Variants in MAPRE2 observed in about 807,000 individuals in gnomAD.
MAPRE2 encodes the protein microtubule associated protein RP/EB family member 2, also known as microtubule-associated protein RP/EB family member 2.
MAPRE2 carries 13 observed loss-of-function variants against 43.2 expected under a neutral mutation model. That is an observed-to-expected ratio of 0.30 (90% CI 0.20 to 0.48). The LOEUF (loss-of-function observed/expected upper bound fraction) is 0.48, where lower values mean the gene tolerates loss of function less well. MAPRE2 is among the 20% of genes least tolerant of loss of function. MAPRE2 has a pLI of 0.99. For missense variants in MAPRE2, 161 were observed against 400.2 expected (o/e 0.40, Z 5.10); for synonymous variants, 135 against 148.8 (o/e 0.91, Z 0.68).
At chr18:35,046,689 A>T (rs1024221720) in intron 1 of MAPRE2, among the ~76,000 whole-genome samples, 1 of 152,192 alleles carries the variant, frequency 6.6e-6, no homozygotes, top group Non-Finnish European at 1.5e-5. Flanking sequence ...CCAATGCACC[A>T]CTGTGTGGGT....
At chr18:35,090,904 G>T (rs770779658) in intron 2 of MAPRE2, among the ~76,000 whole-genome samples, 1 of 152,100 alleles carries the variant, frequency 6.6e-6, no homozygotes, top group African/African-American at 2.4e-5. Context: ...AGTCAGCAGC[G>T]TTTCTGTATG....
chr18:35,058,311 T>A (rs1906340672), intron 1 of MAPRE2, among the ~76,000 whole-genome samples: 1 of 152,206 alleles, frequency 6.6e-6, no homozygotes, highest in South Asian at 2.1e-4. Flanking sequence ...CATTTCAAAA[T>A]GTTCTCATGA....
At chr18:35,076,984 G>A (rs184740961) in intron 2 of MAPRE2, among the ~76,000 whole-genome samples, 27 of 152,226 alleles carry the variant, frequency 1.8e-4, no homozygotes, top group African/African-American at 6.0e-4. Flanking sequence ...CTCCTGGTTA[G>A]TGACGAACAC....
intron 2 of MAPRE2, among the ~76,000 whole-genome samples, chr18:35,080,814 G>A (rs981366608): frequency 1.2e-5 from 1 of 80,250 alleles, no homozygotes; most frequent in Admixed American, 1.2e-4. Context: ...TTCAGATTGC[G>A]TTTTTTTTTT....
chr18:35,106,219 G>C (rs1385496304), intron 4 of MAPRE2, among the ~76,000 whole-genome samples: 2 of 152,082 alleles, frequency 1.3e-5, no homozygotes, highest in Non-Finnish European at 2.9e-5. Context: ...ATTAGTGGAC[G>C]TAAGCAGTGG....
At chr18:35,121,400 A>G (rs1909659479) in intron 4 of MAPRE2, among the ~76,000 whole-genome samples, 3 of 152,368 alleles carry the variant, frequency 2.0e-5, no homozygotes, top group South Asian at 4.1e-4. Flanking sequence ...AAAGACTAGC[A>G]TTGTAAATCA....
Position 35,102,058 on chromosome 18 carries a change from T to C in MAPRE2, c.509T>C (p.Val170Ala). The change falls in exon 4 of 7, where the codon GTA becomes GCA. Residue 170 changes from valine (V) to alanine (A), a missense_variant. Around this residue, in one of 2 missense-constraint regions of MAPRE2, gnomAD observed 65 missense variants for 246.9 expected, o/e 0.26. Coordinates refer to ENST00000300249, the MANE Select transcript of MAPRE2 (RefSeq NM_014268.4). ...ANYDGKEYDP[V>A]EARQGQDAIP... ...TACGATGGGAAGGAGTATGATCCTG[T>C]AGAGGCACGACAAGGGCAAGATGCA... 1 of 1,613,164 alleles carries C rather than the reference T, an allele frequency of 6.2e-7. No homozygotes were observed. Among genetic ancestry groups the C allele is most frequent in the Non-Finnish European group, 8.5e-7 (1 of 1,179,564 alleles).
chr18:34,991,928 C>T (rs1366568128), intron 1 of MAPRE2, among the ~76,000 whole-genome samples: 1 of 152,138 alleles, frequency 6.6e-6, no homozygotes, highest in Non-Finnish European at 1.5e-5. Context: ...AGATTTTTAA[C>T]ACTATGTTCT....
chr18:35,081,868 T>C (rs1007597622), intron 2 of MAPRE2: 2 of 152,160 alleles, frequency 1.3e-5, no homozygotes, highest in African/African-American at 4.8e-5. Context: ...ATAGAGTTCA[T>C]GTAGTGGCCT....
intron 2 of MAPRE2, among the ~76,000 whole-genome samples, chr18:35,080,935 A>G (rs1456356844): frequency 6.6e-6 from 1 of 152,074 alleles, no homozygotes; most frequent in African/African-American, 2.4e-5. Context: ...TAAGCTTTTT[A>G]TGACCAAATT....
chr18:35,100,301 C>T (rs893967801), intron 3 of MAPRE2, among the ~76,000 whole-genome samples: 40 of 152,220 alleles, frequency 2.6e-4, no homozygotes, highest in African/African-American at 8.4e-4. Flanking sequence ...ATGGCTATTA[C>T]TAAAAAGTCA....
chr18:34,995,884 G>A (rs1191878469), intron 1 of MAPRE2, among the ~76,000 whole-genome samples: 1 of 152,120 alleles, frequency 6.6e-6, no homozygotes, highest in East Asian at 1.9e-4. Flanking sequence ...GCAACTCAAG[G>A]TGTGGTCTTT....
intron 1 of MAPRE2, among the ~76,000 whole-genome samples, chr18:34,986,468 C>T (rs1365046248): frequency 1.3e-5 from 2 of 152,160 alleles, no homozygotes; most frequent in Non-Finnish European, 2.9e-5. Context: ...TTTTGCTCCA[C>T]CTGGTTCTTC....
chr18:35,095,013 G>A (rs1908337223), intron 2 of MAPRE2, among the ~76,000 whole-genome samples: 2 of 152,096 alleles, frequency 1.3e-5, no homozygotes, highest in South Asian at 4.1e-4. Flanking sequence ...CAGGTAGTAG[G>A]TGTCCAAATC....
chr18:35,040,860 T>C (rs1905306890), upstream of MAPRE2, among the ~76,000 whole-genome samples: 1 of 152,356 alleles, frequency 6.6e-6, no homozygotes, highest in South Asian at 2.1e-4. Context: ...GAAATACAGC[T>C]TCCTTGTAGG....
chr18:35,000,400 CAT>C (rs1244434368), intron 1 of MAPRE2, among the ~76,000 whole-genome samples: 1 of 152,206 alleles, frequency 6.6e-6, no homozygotes, highest in African/African-American at 2.4e-5. Context: ...TTTTTACAAA[CAT>C]ATTTTTCATT....
chr18:35,082,612 A>T (rs1907695495), intron 2 of MAPRE2, among the ~76,000 whole-genome samples: 1 of 152,068 alleles, frequency 6.6e-6, no homozygotes, highest in South Asian at 2.1e-4. Context: ...TCCTGATCAC[A>T]TTCAACAAAA....
intron 2 of MAPRE2, among the ~76,000 whole-genome samples, chr18:35,084,813 G>A (rs1393993963): frequency 6.6e-6 from 1 of 152,230 alleles, no homozygotes; most frequent in Admixed American, 6.5e-5. Flanking sequence ...GAAGCAGGAA[G>A]CTCAGCTGAG....
intron 2 of MAPRE2, among the ~76,000 whole-genome samples, chr18:35,006,033 G>C (rs989949941): frequency 3.3e-5 from 5 of 152,212 alleles, no homozygotes; most frequent in African/African-American, 1.2e-4. Flanking sequence ...ATTTTTTTCT[G>C]TCTGGGATTT....
Sources: allele counts gnomAD v4.1 joint callset (sites outside exome capture counted in the v4.1 genomes callset), GRCh38; gene constraint gnomAD v4.1.1; regional missense constraint gnomAD v4.1.1; transcripts MANE v1.5; gene names NCBI Gene and HGNC (gene_info 2026-07-23, HGNC 2026-07-21).